The following CTNNA3 variants were observed in gnomAD, a reference collection of about 807,000 sequenced individuals.
The protein encoded by CTNNA3 is catenin alpha 3, also known as catenin alpha-3.
In CTNNA3, 76 loss-of-function variants were observed where a neutral mutation model predicts 95.7. The observed-to-expected ratio is 0.79, with a 90% CI of 0.66 to 0.96. The LOEUF is 0.96. Among genes scored for constraint, CTNNA3 ranks in the 40% least tolerant of loss-of-function variants. The pLI, the probability that CTNNA3 is intolerant of heterozygous loss-of-function variation, is 0.00. For synonymous variants in CTNNA3, 431 were observed against 374.4 expected (o/e 1.15, Z -1.74); for missense variants, 1,191 against 1,089.8 (o/e 1.09, Z -1.31).
intron 16 of CTNNA3, among the ~76,000 whole-genome samples, chr10:65,968,682 G>A (rs1589191667): frequency 6.6e-6 from 1 of 152,298 alleles, no homozygotes; most frequent in East Asian, 1.9e-4. Context: ...TCTCTGCAGG[G>A]ATCCAGGTAT....
chr10:66,254,284 C>A (rs2090673396), intron 13 of CTNNA3, among the ~76,000 whole-genome samples: 1 of 152,130 alleles, frequency 6.6e-6, no homozygotes, highest in African/African-American at 2.4e-5. Context: ...GCATCTGGTA[C>A]CAAGCTCTTT....
At chr10:66,741,650 G>A (rs113457946) in intron 9 of CTNNA3, among the ~76,000 whole-genome samples, 25 of 152,282 alleles carry the variant, frequency 1.6e-4, no homozygotes, top group Admixed American at 5.9e-4. Flanking sequence ...CTAGCATTGC[G>A]GGAAGTCAGG....
At chr10:65,939,657 C>G (rs1262322263) in intron 17 of CTNNA3, among the ~76,000 whole-genome samples, 1 of 152,148 alleles carries the variant, frequency 6.6e-6, no homozygotes, top group Non-Finnish European at 1.5e-5. Context: ...TATCACTAGC[C>G]TCTCTTTGGT....
chr10:66,431,260 G>A (rs186816148), intron 11 of CTNNA3, among the ~76,000 whole-genome samples: 2,460 of 152,272 alleles, frequency 0.016, 59 homozygotes, highest in African/African-American at 0.056. Flanking sequence ...GAGCTGGAGA[G>A]GATGTGGAGA....
At chr10:67,242,133 T>A (rs1342086249) in intron 5 of CTNNA3, among the ~76,000 whole-genome samples, 1 of 152,194 alleles carries the variant, frequency 6.6e-6, no homozygotes, top group African/African-American at 2.4e-5. Context: ...TTGTAACTAA[T>A]ACAACTAAGT....
At chr10:67,763,083 C>T (rs1841471095) in intron 1 of CTNNA3, among the ~76,000 whole-genome samples, 1 of 152,038 alleles carries the variant, frequency 6.6e-6, no homozygotes, top group Non-Finnish European at 1.5e-5. Context: ...GCTAGTCCTG[C>T]TACGTAGGTA....
intron 2 of CTNNA3, among the ~76,000 whole-genome samples, chr10:67,624,288 G>A (rs577028031): frequency 6.6e-6 from 1 of 152,226 alleles, no homozygotes; most frequent in South Asian, 2.1e-4. Context: ...ATCACAGGCA[G>A]GTAGACTGAA....
intron 3 of CTNNA3, among the ~76,000 whole-genome samples, chr10:67,596,525 A>C (rs1667424197): frequency 6.6e-6 from 1 of 152,234 alleles, no homozygotes; most frequent in South Asian, 2.1e-4. Flanking sequence ...TATGAAGCTT[A>C]GTTTGACTGA....
At chr10:65,964,306 G>A (rs2133250024) in intron 17 of CTNNA3, among the ~76,000 whole-genome samples, 1 of 152,302 alleles carries the variant, frequency 6.6e-6, no homozygotes, top group Admixed American at 6.5e-5. Flanking sequence ...AGTAAGATAT[G>A]CAAAAGGGGG....
chr10:66,944,578 G>A (rs1394326935), intron 7 of CTNNA3, among the ~76,000 whole-genome samples: 1 of 151,952 alleles, frequency 6.6e-6, no homozygotes, highest in Non-Finnish European at 1.5e-5. Context: ...TTACCTTAAA[G>A]GTTTTCAATT....
At chr10:67,680,824 A>C (rs570687738) in intron 1 of CTNNA3, among the ~76,000 whole-genome samples, 1 of 152,352 alleles carries the variant, frequency 6.6e-6, no homozygotes, top group African/African-American at 2.4e-5. Context: ...TTGAAGAAAT[A>C]AATCCAAAAG....
intron 14 of CTNNA3, among the ~76,000 whole-genome samples, chr10:66,089,917 A>G (rs1250446318): frequency 6.6e-6 from 1 of 151,986 alleles, no homozygotes; most frequent in Admixed American, 6.6e-5. Context: ...TTTAGAAACT[A>G]TATTTGAAAA....
At chr10:67,351,105 A>C (rs1842618949) in intron 5 of CTNNA3, among the ~76,000 whole-genome samples, 1 of 102,324 alleles carries the variant, frequency 9.8e-6, no homozygotes, top group Non-Finnish European at 2.1e-5. Context: ...TGCTAAGTGA[A>C]AGAAGTCAGA....
intron 13 of CTNNA3, among the ~76,000 whole-genome samples, chr10:66,216,939 C>T (rs1404258219): frequency 6.6e-6 from 1 of 152,142 alleles, no homozygotes; most frequent in Admixed American, 6.5e-5. Flanking sequence ...TTCCTTATCA[C>T]GAAGATCTCC....
intron 2 of CTNNA3, among the ~76,000 whole-genome samples, chr10:67,608,207 G>C (rs1404719146): frequency 6.6e-6 from 1 of 152,082 alleles, no homozygotes; most frequent in Non-Finnish European, 1.5e-5. Context: ...GTCCCCTGAA[G>C]CAACCACTGT....
In CTNNA3 at chr10:67,748,122, T is replaced by C. The variant is rs145229905; in HGVS notation, c.-2+15312A>G. 3.2e-4 allele frequency among the ~76,000 whole-genome samples: 49 copies of C among 152,186 alleles called. No homozygotes were observed. The East Asian group carries it at 9.3e-3, about 29-fold the overall frequency. Reference sequence around the variant, plus strand: ...GGACTACATAAAAAGATCGAACCTATGATTTATTGGAGTACCTGAAAGAGA... The same window carrying C: ...GGACTACATAAAAAGATCGAACCTACGATTTATTGGAGTACCTGAAAGAGA... On this transcript the variant is annotated intron_variant, in intron 1 of 17. Transcript: ENST00000684154.
At chr10:67,177,773 T>C (rs532452047) in intron 7 of CTNNA3, among the ~76,000 whole-genome samples, 103 of 152,314 alleles carry the variant, frequency 6.8e-4, no homozygotes, top group Non-Finnish European at 1.2e-3. Context: ...TGAGATACAA[T>C]AATACACTCC....
intron 1 of CTNNA3, among the ~76,000 whole-genome samples, chr10:67,662,495 C>A (rs984846305): frequency 6.6e-6 from 1 of 152,162 alleles, no homozygotes; most frequent in Non-Finnish European, 1.5e-5. Flanking sequence ...CAATCTGTGG[C>A]ACAAGAATAC....
intron 11 of CTNNA3, among the ~76,000 whole-genome samples, chr10:66,481,808 T>C (rs1300317569): frequency 6.6e-6 from 1 of 152,134 alleles, no homozygotes; most frequent in Non-Finnish European, 1.5e-5. Context: ...TAATAAGTAA[T>C]AGTTGTTATA....
Sources: allele counts gnomAD v4.1 joint callset (sites outside exome capture counted in the v4.1 genomes callset), GRCh38; gene constraint gnomAD v4.1.1; transcripts MANE v1.5; gene names NCBI Gene and HGNC (gene_info 2026-07-23, HGNC 2026-07-21).